ZNF536: variants seen among roughly 807,000 people sequenced by gnomAD.
ZNF536 encodes zinc finger protein 536.
A neutral mutation model predicts 84.5 loss-of-function variants in ZNF536; 13 were observed. The ratio of observed to expected loss-of-function variants is 0.15; its 90% CI spans 0.10 to 0.24. The LOEUF (loss-of-function observed/expected upper bound fraction) is 0.24. ZNF536 is among the 10% of genes least tolerant of loss of function. The pLI is 1.00. For synonymous variants in ZNF536, 811 were observed against 742.5 expected, an observed-to-expected ratio of 1.09 and a Z score of -1.50; for missense variants, 1,536 against 1,747.5, an observed-to-expected ratio of 0.88 and a Z score of 2.16.
intron 1 of ZNF536, among the ~76,000 whole-genome samples, chr19:30,617,333 C>CTTATTTTTTT (rs2048331852): frequency 2.7e-5 from 1 of 37,710 alleles, no homozygotes; most frequent in Non-Finnish European, 5.9e-5. Flanking sequence ...GAATAGCTTA[C>CTTATTTTTTT]TTTTTTTTTT....
At chr19:30,458,806 A>G (rs964118443) in intron 2 of ZNF536, among the ~76,000 whole-genome samples, 1 of 152,076 alleles carries the variant, frequency 6.6e-6, no homozygotes, top group Non-Finnish European at 1.5e-5. Flanking sequence ...TGAGGGACCC[A>G]TGTGCCTGGT....
chr19:30,325,452 G>A (rs1034361692), intron 2 of ZNF536, among the ~76,000 whole-genome samples: 3 of 152,164 alleles, frequency 2.0e-5, no homozygotes, highest in African/African-American at 7.2e-5. Context: ...TTCTTCACAT[G>A]TAAATGGAAA....
At chr19:30,381,803 G>T (rs985327248) in intron 1 of ZNF536, among the ~76,000 whole-genome samples, 1 of 152,320 alleles carries the variant, frequency 6.6e-6, no homozygotes, top group Middle Eastern at 3.4e-3. Context: ...TTCAGAGTCT[G>T]CAGGGAGGTG....
Position 30,650,778 on chromosome 19 carries a change from G to A in ZNF536, c.170-59979G>A, listed in dbSNP as rs775461798. On this transcript the variant is annotated intron_variant, in intron 1 of 1. Transcript: ENST00000592773. ...AATGTCAATCTCTGCTCAATTTAGC[G>A]AGAAATCATGTTAAATGAAATGGCA... is the stretch of plus-strand genomic sequence containing the variant. Among the ~76,000 whole-genome samples the A allele has an allele frequency of 9.0e-4, 137 of 152,160 alleles. 1 individual carries two copies. Among genetic ancestry groups the A allele is most frequent in the Admixed American group, 4.6e-4 (7 of 15,280 alleles).
intron 2 of ZNF536, among the ~76,000 whole-genome samples, chr19:30,331,766 CTGTT>C (rs1183063749): frequency 1.3e-5 from 2 of 152,156 alleles, no homozygotes; most frequent in Non-Finnish European, 2.9e-5. Flanking sequence ...CTCCAAATCA[CTGTT>C]TGTGATGCCT....
intron 2 of ZNF536, among the ~76,000 whole-genome samples, chr19:30,287,990 A>G (rs1313717042): frequency 6.6e-6 from 1 of 152,226 alleles, no homozygotes; most frequent in Non-Finnish European, 1.5e-5. Context: ...AAATCTAATG[A>G]TCAGTTATAA....
chr19:30,415,865 C>T (rs1238495347), intron 1 of ZNF536, among the ~76,000 whole-genome samples: 1 of 152,184 alleles, frequency 6.6e-6, no homozygotes, highest in Non-Finnish European at 1.5e-5. Flanking sequence ...CTACCTTGGC[C>T]TCCCAAAGTG....
intron 2 of ZNF536, among the ~76,000 whole-genome samples, chr19:30,473,312 T>C (rs1436372364): frequency 3.3e-5 from 5 of 151,922 alleles, no homozygotes; most frequent in African/African-American, 1.2e-4. Flanking sequence ...CTGATACAGT[T>C]CCCCCTAGAA....
intron 2 of ZNF536, among the ~76,000 whole-genome samples, chr19:30,492,751 G>A (rs747688772): frequency 1.3e-5 from 2 of 152,138 alleles, no homozygotes; most frequent in Non-Finnish European, 2.9e-5. Context: ...TCTGCAGCGG[G>A]ATAGATAGGT....
At chr19:30,684,235 A>C (rs546934348) in intron 1 of ZNF536, among the ~76,000 whole-genome samples, 4 of 152,114 alleles carry the variant, frequency 2.6e-5, no homozygotes, top group African/African-American at 9.7e-5. Context: ...CCTGGGCTCA[A>C]GTGATCCTCC....
intron 1 of ZNF536, among the ~76,000 whole-genome samples, chr19:30,578,321 G>T (rs147312839): frequency 1.2e-4 from 19 of 152,314 alleles, no homozygotes; most frequent in African/African-American, 4.6e-4. Context: ...GTTGGCCCGC[G>T]AAGCGCAGTG....
intron 2 of ZNF536, among the ~76,000 whole-genome samples, chr19:30,507,814 G>A (rs2055234906): frequency 6.6e-6 from 1 of 152,114 alleles, no homozygotes; most frequent in Non-Finnish European, 1.5e-5. Flanking sequence ...ACAAATAAGA[G>A]ACAATCAGGC....
intron 1 of ZNF536, among the ~76,000 whole-genome samples, chr19:30,636,043 A>G (rs920932978): frequency 3.3e-5 from 5 of 152,200 alleles, no homozygotes; most frequent in African/African-American, 9.6e-5. Context: ...GAGAATGTTC[A>G]GGAAAACACC....
intron 1 of ZNF536, among the ~76,000 whole-genome samples, chr19:30,589,715 C>T (rs2047213504): frequency 6.6e-6 from 1 of 152,094 alleles, no homozygotes; most frequent in Admixed American, 6.5e-5. Context: ...TTAGAGTCCA[C>T]CCAGTGGAGC....
chr19:30,388,826 G>A (rs2049456164), intron 1 of ZNF536, among the ~76,000 whole-genome samples: 1 of 152,116 alleles, frequency 6.6e-6, no homozygotes, highest in Non-Finnish European at 1.5e-5. Context: ...TTCCTTTATG[G>A]GCTTCCTCCA....
intron 1 of ZNF536, among the ~76,000 whole-genome samples, chr19:30,613,906 G>A (rs1336959910): frequency 6.6e-6 from 1 of 151,872 alleles, no homozygotes; most frequent in Non-Finnish European, 1.5e-5. Context: ...TCTGTTGTCC[G>A]GGCTGGAGCG....
chr19:30,515,663 A>T (rs1397727505), intron 2 of ZNF536, among the ~76,000 whole-genome samples: 1 of 152,108 alleles, frequency 6.6e-6, no homozygotes, highest in East Asian at 1.9e-4. Context: ...ATAGAAGCAG[A>T]TACAAAATTG....
intron 2 of ZNF536, among the ~76,000 whole-genome samples, chr19:30,298,488 G>A (rs1039544760): frequency 1.3e-5 from 2 of 152,174 alleles, no homozygotes; most frequent in African/African-American, 4.8e-5. Flanking sequence ...TGGTAGCGTT[G>A]GGGTCAGAAT....
intron 2 of ZNF536, among the ~76,000 whole-genome samples, chr19:30,496,069 T>C (rs373739764): frequency 3.3e-5 from 5 of 152,252 alleles, no homozygotes; most frequent in African/African-American, 1.2e-4. Context: ...ATGAATGTCT[T>C]GAAGGAATGT....
Sources: gnomAD v4.1 joint callset for allele counts (sites outside exome capture counted in the v4.1 genomes callset) on GRCh38, gnomAD v4.1.1 for gene constraint, MANE v1.5 for transcripts, NCBI Gene and HGNC (gene_info 2026-07-23, HGNC 2026-07-21) for gene names.